Variants in SUPT3H observed in about 807,000 individuals in gnomAD.
SUPT3H encodes the protein transcription initiation protein SPT3 homolog.
Under a neutral mutation model 44.3 loss-of-function variants are expected in SUPT3H, and 44 were observed. That is an observed-to-expected ratio of 0.99 (90% confidence interval 0.78 to 1.28). SUPT3H has a LOEUF of 1.28. Among genes scored for constraint, SUPT3H ranks in the 50% most tolerant of loss-of-function variants. The pLI, the probability that SUPT3H is intolerant of heterozygous loss-of-function variation, is 0.00. For missense variants in SUPT3H, 380 were observed against 387.1 expected (o/e 0.98, Z 0.15); for synonymous variants, 124 against 125.6 (o/e 0.99, Z 0.09).
At chr6:44,839,403 T>C (rs557120595) in intron 10 of SUPT3H, among the ~76,000 whole-genome samples, 15 of 152,100 alleles carry the variant, frequency 9.9e-5, no homozygotes, top group Non-Finnish European at 1.8e-4. Context: ...TCTCCCACAC[T>C]CAAGCAATTC....
chr6:44,977,985 T>C (rs1374826611), intron 6 of SUPT3H, among the ~76,000 whole-genome samples: 1 of 152,148 alleles, frequency 6.6e-6, no homozygotes, highest in African/African-American at 2.4e-5. Context: ...GAAATATAAG[T>C]GGACGAATGT....
chr6:44,809,454 A>G (rs1455645862), exon 12 of SUPT3H: 1 of 152,254 alleles, frequency 6.6e-6, no homozygotes, highest in African/African-American at 2.4e-5. Context: ...TCTATGGTAC[A>G]TATGACAAGG....
intron 10 of SUPT3H, among the ~76,000 whole-genome samples, chr6:44,858,234 TAGTC>T (rs1433669391): frequency 6.6e-6 from 1 of 152,156 alleles, no homozygotes; most frequent in Admixed American, 6.5e-5. Context: ...GCTTGCCAAA[TAGTC>T]AGAAGCCAAT....
rs998463478 is a variant in SUPT3H, at chr6:44,828,301, A to G, written c.*1515T>C. ...TAATCATACATTTTAACAAGCATAG[A>G]TGGAACATCAAAATCCTTTGGGAAT... On this transcript the variant is annotated 3_prime_UTR_variant, in exon 11 of 11. Coordinates refer to ENST00000371459, the MANE Select transcript of SUPT3H (RefSeq NM_003599.4). Among the ~76,000 whole-genome samples, 2 of 152,192 alleles carry G rather than the reference A, an allele frequency of 1.3e-5. No individual in the cohort carries two copies. Among genetic ancestry groups the G allele is most frequent in the Admixed American group, 1.3e-4 (2 of 15,278 alleles).
At chr6:45,245,359 A>T (rs545359682) in intron 2 of SUPT3H, among the ~76,000 whole-genome samples, 7 of 152,242 alleles carry the variant, frequency 4.6e-5, no homozygotes, top group African/African-American at 1.7e-4. Context: ...GTACATTCAC[A>T]TTATTGAGCA....
intron 3 of SUPT3H, among the ~76,000 whole-genome samples, chr6:45,078,347 A>G (rs2153556960): frequency 6.6e-6 from 1 of 152,260 alleles, no homozygotes; most frequent in Non-Finnish European, 1.5e-5. Flanking sequence ...CTTAATTTAC[A>G]TTTTTATTTA....
chr6:45,057,954 C>A (rs1252315358), intron 3 of SUPT3H, among the ~76,000 whole-genome samples: 4 of 152,088 alleles, frequency 2.6e-5, no homozygotes. Flanking sequence ...GTGACGGTTA[C>A]TACGTGAAAA....
chr6:45,061,702 C>T (rs530144161), intron 3 of SUPT3H, among the ~76,000 whole-genome samples: 23 of 139,272 alleles, frequency 1.7e-4, no homozygotes, highest in Admixed American at 6.1e-4. Flanking sequence ...TAAGCTTTTG[C>T]AATATGTGTA....
At chr6:45,292,527 T>C (rs988841161) in intron 2 of SUPT3H, among the ~76,000 whole-genome samples, 8 of 151,890 alleles carry the variant, frequency 5.3e-5, no homozygotes, top group Non-Finnish European at 8.8e-5. Context: ...ACTTAGAAGA[T>C]ACAGAAATGC....
intron 2 of SUPT3H, among the ~76,000 whole-genome samples, chr6:45,294,733 CAAAAAAAAAAAAAAAAAA>C (rs56281990): frequency 2.8e-5 from 1 of 36,202 alleles, no homozygotes; most frequent in South Asian, 9.0e-4. Context: ...ACAATAGCTG[CAAAAAAAAAAAAAAAAAA>C]AAAAAAAAAA....
chr6:45,044,216 C>G lies in SUPT3H; in HGVS notation c.187-23584G>C, dbSNP rs73737854. The stretch of plus-strand genomic sequence containing the variant: ...GCCAATCTCTATTATCATTTCCAAC[C>G]TCGCCCCTATGCACTTTTCACTGCA... On this transcript the variant is annotated intron_variant, in intron 3 of 10. Coordinates refer to ENST00000371459, the MANE Select transcript of SUPT3H (RefSeq NM_003599.4). 8.6e-3 allele frequency among the ~76,000 whole-genome samples: 1,308 copies of G among 152,258 alleles called. 23 individuals carry two copies. Among genetic ancestry groups the G allele is most frequent in the African/African-American group, 0.03 (1,232 of 41,542 alleles).
At chr6:45,347,647 G>GA (rs988506512) in intron 2 of SUPT3H, among the ~76,000 whole-genome samples, 107 of 151,740 alleles carry the variant, frequency 7.1e-4, no homozygotes, top group African/African-American at 2.6e-3. Flanking sequence ...ACATGACAGA[G>GA]AAAAAAATTT....
intron 6 of SUPT3H, among the ~76,000 whole-genome samples, chr6:44,967,070 T>TA (rs1267774803): frequency 1.3e-5 from 2 of 152,192 alleles, no homozygotes; most frequent in African/African-American, 2.4e-5. Context: ...GCAACATACT[T>TA]AGAGGATTTT....
chr6:45,363,175 A>G (rs2150260970), intron 2 of SUPT3H, among the ~76,000 whole-genome samples: 1 of 152,306 alleles, frequency 6.6e-6, no homozygotes, highest in East Asian at 1.9e-4. Flanking sequence ...GGCACAGAGC[A>G]TGAAGGCTTC....
intron 2 of SUPT3H, among the ~76,000 whole-genome samples, chr6:45,157,584 T>C (rs891554436): frequency 5.3e-5 from 8 of 151,942 alleles, no homozygotes; most frequent in African/African-American, 1.7e-4. Context: ...AGTCTCACTG[T>C]GTCACCCAGG....
At chr6:44,824,357 CA>C (rs1387760481), downstream of SUPT3H, among the ~76,000 whole-genome samples, 7 of 152,164 alleles carry the variant, frequency 4.6e-5, no homozygotes, top group African/African-American at 1.7e-4. Context: ...CTGGAAGACA[CA>C]CTTAAAACCA....
At chr6:45,360,733 T>G (rs1424432775) in intron 2 of SUPT3H, among the ~76,000 whole-genome samples, 13 of 152,198 alleles carry the variant, frequency 8.5e-5, no homozygotes. Flanking sequence ...AGAAAATTGT[T>G]AGTTCAGTTT....
chr6:44,831,936 G>A (rs1190554784), intron 10 of SUPT3H, among the ~76,000 whole-genome samples: 1 of 152,078 alleles, frequency 6.6e-6, no homozygotes, highest in Non-Finnish European at 1.5e-5. Context: ...CAGATCCTAT[G>A]AGAAAACCAA....
At chr6:44,929,552 G>C (rs1239566038) in intron 10 of SUPT3H, among the ~76,000 whole-genome samples, 2 of 152,166 alleles carry the variant, frequency 1.3e-5, no homozygotes, top group East Asian at 3.8e-4. Context: ...TTGGAGGCAA[G>C]TCAGTTCAGC....
Sources: allele counts gnomAD v4.1 joint callset (sites outside exome capture counted in the v4.1 genomes callset), GRCh38; gene constraint gnomAD v4.1.1; transcripts MANE v1.5; gene names NCBI Gene and HGNC (gene_info 2026-07-23, HGNC 2026-07-21).